The following CDH4 variants were observed in gnomAD, a reference collection of about 807,000 sequenced individuals.
CDH4 encodes the protein cadherin-4.
In CDH4, 33 loss-of-function variants were observed where a neutral mutation model predicts 86.0. The observed-to-expected ratio is 0.38, with a 90% confidence interval of 0.29 to 0.51. The LOEUF (loss-of-function observed/expected upper bound fraction) is 0.51. Ranked by LOEUF, CDH4 falls within the 20% of genes least tolerant of loss-of-function variation. The pLI is 0.86. For synonymous variants in CDH4, 555 were observed against 549.4 expected (o/e 1.01, Z -0.14); for missense variants, 1,114 against 1,307.4 (o/e 0.85, Z 2.28).
intron 2 of CDH4, among the ~76,000 whole-genome samples, chr20:61,666,139 A>G (rs2087321430): frequency 6.6e-6 from 1 of 152,206 alleles, no homozygotes; most frequent in Non-Finnish European, 1.5e-5. Context: ...CTGGCTTGCA[A>G]GTAAGGCCAT....
rs181098473 is a variant in CDH4 at position 61,886,180 on chromosome 20, G to T, written c.1051-8730G>T. On this transcript the variant is annotated intron_variant, in intron 7 of 15. Transcript: ENST00000614565. ...ACCATCCCTAGATGGTGGCTGGGGT[G>T]GGGGCAGCATCCAGGAGAACTTCAG... is the stretch of plus-strand genomic sequence containing the variant. Among the ~76,000 whole-genome samples the T allele has an allele frequency of 3.6e-3, 546 of 152,314 alleles. 10 individuals carry two copies. Among genetic ancestry groups the T allele is most frequent in the Admixed American group, 0.029 (439 of 15,306 alleles).
chr20:61,548,476 C>G (rs780825531), intron 2 of CDH4, among the ~76,000 whole-genome samples: 1 of 149,746 alleles, frequency 6.7e-6, no homozygotes, highest in African/African-American at 2.4e-5. Flanking sequence ...CAGTTCCCCG[C>G]CCCCCCATTA....
In CDH4 at chr20:61,936,804, A is replaced by T; in HGVS notation, c.2612A>T (p.Glu871Val). The stretch of plus-strand genomic sequence containing the variant: ...GACTCCCTGCTGGTCTTCGACTACG[A>T]GGGGAGCGGCTCCACCGCAGGCTCC... ...PYDSLLVFDY[E>V]GSGSTAGSVS... Residue 871 changes from glutamate (E) to valine (V), a missense_variant, in exon 16 of 16, where the codon GAG becomes GTG. Glu to Val is a moderately radical substitution (Grantham distance 121). Coordinates refer to ENST00000614565, the MANE Select transcript of CDH4 (RefSeq NM_001794.5). The T allele has an allele frequency of 6.2e-7, 1 of 1,610,140 alleles. No homozygotes were observed. Among genetic ancestry groups the T allele is most frequent in the Non-Finnish European group, 8.5e-7 (1 of 1,178,872 alleles).
chr20:61,519,116 C>T (rs1438408808), intron 2 of CDH4, among the ~76,000 whole-genome samples: 1 of 152,222 alleles, frequency 6.6e-6, no homozygotes, highest in African/African-American at 2.4e-5. Flanking sequence ...AAGCCAGGTG[C>T]TTTAATGGAA....
chr20:61,515,581 GT>G (rs1272398591), intron 2 of CDH4, among the ~76,000 whole-genome samples: 1 of 152,114 alleles, frequency 6.6e-6, no homozygotes, highest in Non-Finnish European at 1.5e-5. Flanking sequence ...GGTGGCCTTC[GT>G]AAAGATGTAA....
Position 61,681,634 on chromosome 20 carries a change from C to T in CDH4, c.170-61929C>T, listed in dbSNP as rs562424268. On this transcript the variant is annotated intron_variant, in intron 2 of 15. Transcript: ENST00000614565. This position sits in a 1 kb window ranked among gnomAD's most constrained non-coding sequence, Gnocchi z 4.5. ...TCTCAGGATCCCCCTGCAGGAAGCC[C>T]GGAATCCCTTCCACAGGCACAGAGC... is the stretch of plus-strand genomic sequence containing the variant. Among the ~76,000 whole-genome samples, 30 of 152,286 alleles carry T rather than the reference C, an allele frequency of 2.0e-4. No individual in the cohort carries two copies. The highest frequency in any genetic ancestry group is 1.3e-3 in the Admixed American group (20 of 15,302).
chr20:61,732,052 C>T (rs1283257381), intron 2 of CDH4, among the ~76,000 whole-genome samples: 1 of 152,250 alleles, frequency 6.6e-6, no homozygotes, highest in East Asian at 1.9e-4. Flanking sequence ...CCTTCTCAGC[C>T]TCCTCTCCCC....
At position 61,757,021 on chromosome 20, in the gene CDH4, G is replaced by A. The variant is rs995163787; in HGVS notation, c.396+13232G>A. On this transcript the variant is annotated intron_variant, in intron 3 of 15. Transcript: ENST00000614565. ...AGAATAAATAAACAGCAACAGTGCC[G>A]TTGGCAAACTTGTAGACAACGTGTC... is the stretch of plus-strand genomic sequence containing the variant. Among the ~76,000 whole-genome samples, 161 of 152,328 alleles carry A rather than the reference G, an allele frequency of 1.1e-3. 1 individual carries two copies. The highest frequency in any genetic ancestry group is 7.2e-5 in the African/African-American group (3 of 41,572).
At position 61,912,126 on chromosome 20, in the gene CDH4, G is replaced by A. The variant is rs6061889; in HGVS notation, c.1374+1519G>A. Reference sequence around the variant, plus strand: ...ATTACGAGACTTTTACAGGCGGTAGGAAATCAAAAAGGGGGGAAGAATGGC... The same window carrying A: ...ATTACGAGACTTTTACAGGCGGTAGAAAATCAAAAAGGGGGGAAGAATGGC... On this transcript the variant is annotated intron_variant, in intron 9 of 15. Coordinates refer to ENST00000614565, the MANE Select transcript of CDH4 (RefSeq NM_001794.5). 9.3e-3 allele frequency among the ~76,000 whole-genome samples: 1,417 copies of A among 152,178 alleles called. 22 individuals carry two copies. The highest frequency in any genetic ancestry group is 0.031 in the African/African-American group (1,307 of 41,534).
intron 2 of CDH4, among the ~76,000 whole-genome samples, chr20:61,721,689 G>T (rs1407241201): frequency 3.9e-5 from 6 of 152,312 alleles, no homozygotes; most frequent in African/African-American, 1.4e-4. Context: ...TTGAGGGCTG[G>T]TGATATGCTT....
chr20:61,653,542 C>CG (rs2087149565), intron 2 of CDH4, among the ~76,000 whole-genome samples: 1 of 134,758 alleles, frequency 7.4e-6, no homozygotes, highest in Admixed American at 7.3e-5. Flanking sequence ...ACCTCCCGGA[C>CG]GGGGTGGCTG....
intron 9 of CDH4, among the ~76,000 whole-genome samples, chr20:61,922,564 G>T (rs2122969707): frequency 6.6e-6 from 1 of 152,362 alleles, no homozygotes; most frequent in East Asian, 1.9e-4. Context: ...ACTGTCTTCT[G>T]TTCCAGCTCT....
At chr20:61,391,421 T>A (rs1029268423) in intron 2 of CDH4, among the ~76,000 whole-genome samples, 23 of 152,232 alleles carry the variant, frequency 1.5e-4, no homozygotes, top group Admixed American at 1.2e-3. Flanking sequence ...CTGCGGTAGA[T>A]GAGAATGTCC....
chr20:61,731,437 C>A (rs527282351), intron 2 of CDH4, among the ~76,000 whole-genome samples: 31 of 152,130 alleles, frequency 2.0e-4, no homozygotes, highest in Non-Finnish European at 3.1e-4. Flanking sequence ...TCAGGATGAT[C>A]TCTTTGGAAA....
At chr20:61,562,750 G>A (rs1359048522) in intron 2 of CDH4, among the ~76,000 whole-genome samples, 1 of 152,246 alleles carries the variant, frequency 6.6e-6, no homozygotes, top group Non-Finnish European at 1.5e-5. Context: ...TTTTAATTAA[G>A]GGCTTTTAAG....
Position 61,484,124 on chromosome 20 carries a change from C to T in CDH4, c.169+229187C>T, listed in dbSNP as rs182412973. ...GTTGGCCAGGCTTCAGCAGACCCTACTCACCCCTGGGAAGCAGCATCACCT... is the reference window on the plus strand; with the variant it reads ...GTTGGCCAGGCTTCAGCAGACCCTATTCACCCCTGGGAAGCAGCATCACCT... On this transcript the variant is annotated intron_variant, in intron 2 of 15. Transcript: ENST00000614565. 3.9e-5 allele frequency among the ~76,000 whole-genome samples: 6 copies of T among 152,244 alleles called. No homozygotes were observed. In the South Asian group the frequency reaches 6.2e-4, roughly 16 times the overall value.
At chr20:61,705,619 G>A (rs2087821116) in intron 2 of CDH4, among the ~76,000 whole-genome samples, 1 of 152,136 alleles carries the variant, frequency 6.6e-6, no homozygotes, top group Admixed American at 6.5e-5. Flanking sequence ...GACTTCCTCT[G>A]GCCCTTGTAG....
intron 2 of CDH4, among the ~76,000 whole-genome samples, chr20:61,369,464 A>G (rs1469498019): frequency 4.6e-5 from 7 of 151,022 alleles, no homozygotes; most frequent in Admixed American, 2.0e-4. Flanking sequence ...AAAAAAAAAA[A>G]AAAAAAAAAA....
intron 2 of CDH4, among the ~76,000 whole-genome samples, chr20:61,365,436 G>A (rs575917993): frequency 3.2e-4 from 48 of 152,250 alleles, no homozygotes; most frequent in African/African-American, 1.1e-3. Context: ...GTCAACAAGG[G>A]TCAGACGGGT....
Sources: gnomAD v4.1 joint callset for allele counts (sites outside exome capture counted in the v4.1 genomes callset) on GRCh38, gnomAD v4.1.1 for gene constraint, Gnocchi (gnomAD v3.1) non-coding constraint, MANE v1.5 for transcripts, NCBI Gene and HGNC (gene_info 2026-07-23, HGNC 2026-07-21) for gene names.